Variants in PCDHA8 observed in about 807,000 individuals in gnomAD.
The protein encoded by PCDHA8 is protocadherin alpha-8.
Under a neutral mutation model 61.8 loss-of-function variants are expected in PCDHA8, and 53 were observed. The ratio of observed to expected loss-of-function variants is 0.86; its 90% CI spans 0.69 to 1.08. The LOEUF is 1.08. Ranked by LOEUF, PCDHA8 falls within the 50% of genes least tolerant of loss-of-function variation. PCDHA8 has a pLI of 0.00. For synonymous variants in PCDHA8, 618 were observed against 556.6 expected (o/e 1.11, Z -1.55); for missense variants, 1,293 against 1,245.0 (o/e 1.04, Z -0.58).
At chr5:140,905,620 T>G (rs1417322136) in intron 1 of PCDHA8, among the ~76,000 whole-genome samples, 2 of 152,210 alleles carry the variant, frequency 1.3e-5, no homozygotes, top group African/African-American at 4.8e-5. Context: ...ATAGATTGCT[T>G]TTGACAGTAT....
intron 1 of PCDHA8, chr5:140,853,468 T>A: frequency 1.0e-6 from 1 of 970,862 alleles, no homozygotes. Flanking sequence ...TATGCATCTG[T>A]AGTTAACATT....
rs1554144490 is a variant in PCDHA8, at chr5:140,850,541, G to C, written c.2394+6826G>C. ...AGGCGCCAAAGTCATCGTCGCGGGC[G>C]TCAGTGGGTGCCACGGGCCCCGAGG... is the stretch of plus-strand genomic sequence containing the variant. On this transcript the variant is annotated intron_variant, in intron 1 of 3. Transcript: ENST00000531613. The C allele has an allele frequency of 2.5e-6, 4 of 1,598,386 alleles. 1 individual carries two copies. In the South Asian group the frequency reaches 4.4e-5, roughly 18 times the overall value.
At chr5:140,905,594 G>A (rs62384488) in intron 1 of PCDHA8, among the ~76,000 whole-genome samples, 48,024 of 151,986 alleles carry the variant, frequency 0.32, 7,949 homozygotes, top group East Asian at 0.53. Flanking sequence ...ATTTTGCTGG[G>A]AATTGCATTG....
At chr5:140,875,758 T>C (rs1562702075) in intron 1 of PCDHA8, 1 of 1,614,186 alleles carries the variant, frequency 6.2e-7, no homozygotes. Context: ...CGAGAAGCTG[T>C]GCGGGCGGAG....
chr5:140,883,997 G>A, intron 1 of PCDHA8: 1 of 1,613,014 alleles, frequency 6.2e-7, no homozygotes, highest in Non-Finnish European at 8.5e-7. Context: ...GGGAGGCACA[G>A]TGAGCGAGCT....
intron 1 of PCDHA8, among the ~76,000 whole-genome samples, chr5:140,944,623 T>G (rs535315515): frequency 2.0e-5 from 3 of 152,202 alleles, no homozygotes; most frequent in Non-Finnish European, 4.4e-5. Flanking sequence ...AGAAGTATAG[T>G]GTTGTAAGCC....
chr5:140,870,880 G>A (rs782304708), intron 1 of PCDHA8: 1 of 1,613,948 alleles, frequency 6.2e-7, no homozygotes, highest in African/African-American at 1.3e-5. Flanking sequence ...GGTGGCGAAG[G>A]TGCGCGCAGT....
At chr5:140,955,771 A>G (rs527455823) in intron 1 of PCDHA8, among the ~76,000 whole-genome samples, 1 of 152,168 alleles carries the variant, frequency 6.6e-6, no homozygotes, top group Admixed American at 6.5e-5. Context: ...GATTCTGTCT[A>G]TCCATGAGCA....
At chr5:140,845,758 T>A (rs1780017819) in intron 1 of PCDHA8, among the ~76,000 whole-genome samples, 1 of 149,708 alleles carries the variant, frequency 6.7e-6, no homozygotes, top group African/African-American at 2.4e-5. Flanking sequence ...TTGTATCAAG[T>A]AAGTTAATAG....
In PCDHA8 at chr5:140,842,069, A is replaced by C. The variant is rs2150328859; in HGVS notation, c.748A>C (p.Arg250=). ...PTFEQSEYEV[R]IFENADNGTT... is the part of the protein sequence containing the mutation. ...TTTCGAACAGTCTGAATACGAAGTA[A>C]GAATATTCGAAAACGCAGACAACGG... Residue 250 remains arginine (R), a synonymous_variant, in exon 1 of 4, where the codon AGA becomes CGA. Transcript: ENST00000531613. The C allele has an allele frequency of 3.1e-6, 5 of 1,613,784 alleles. No individual in the cohort carries two copies. Among genetic ancestry groups the C allele is most frequent in the Non-Finnish European group, 4.2e-6 (5 of 1,179,890 alleles).
chr5:140,969,047 A>C, intron 1 of PCDHA8: 1 of 1,614,152 alleles, frequency 6.2e-7, no homozygotes, highest in Non-Finnish European at 8.5e-7. Flanking sequence ...CAAACAAGCC[A>C]ACAACAATAT....
Position 140,856,120 on chromosome 5 carries a change from G to C in PCDHA8, c.2394+12405G>C, listed in dbSNP as rs782167466. 6 of 1,598,210 alleles carry C rather than the reference G, an allele frequency of 3.8e-6. 1 individual carries two copies. The highest frequency in any genetic ancestry group is 5.1e-6 in the Non-Finnish European group (6 of 1,167,784). On this transcript the variant is annotated intron_variant, in intron 1 of 3. Transcript: ENST00000531613. ...CGCTTCTTCTCCTCGCAGCCTGGGA[G>C]GTGGGGAGCGGCCAGCTCCACTACT...
chr5:140,852,196 G>A lies in PCDHA8; in HGVS notation c.2394+8481G>A, dbSNP rs2150513230. The A allele has an allele frequency of 3.1e-5, 22 of 707,012 alleles. 1 individual carries two copies. The highest frequency in any genetic ancestry group is 1.9e-4 in the African/African-American group (10 of 51,666). The allele number at this position is 707,012 out of a possible 1,614,324, so 43.8% of individuals were successfully genotyped here. On this transcript the variant is annotated intron_variant, in intron 1 of 3. Transcript: ENST00000531613. ...AAATAACTATGAAAATGCCAGTAAC[G>A]TTTATTTAAAACAAAATATTTTAAT... is the stretch of plus-strand genomic sequence containing the variant.
chr5:140,891,230 T>G (rs1192105465), intron 1 of PCDHA8, among the ~76,000 whole-genome samples: 1 of 152,232 alleles, frequency 6.6e-6, no homozygotes, highest in Non-Finnish European at 1.5e-5. Flanking sequence ...AATCATCCTG[T>G]TCTGGATTCA....
intron 1 of PCDHA8, chr5:140,928,022 G>A: frequency 6.2e-7 from 1 of 1,614,200 alleles, no homozygotes; most frequent in Non-Finnish European, 8.5e-7. Flanking sequence ...AGGGTCATTT[G>A]TGGCATGTCT....
At chr5:140,975,017 G>A (rs1474947976) in intron 1 of PCDHA8, among the ~76,000 whole-genome samples, 1 of 152,154 alleles carries the variant, frequency 6.6e-6, no homozygotes, top group Non-Finnish European at 1.5e-5. Flanking sequence ...ACACAGCTGG[G>A]CTGTGTTGTC....
intron 1 of PCDHA8, among the ~76,000 whole-genome samples, chr5:140,925,025 C>T (rs1180931899): frequency 6.6e-6 from 1 of 151,492 alleles, no homozygotes; most frequent in Non-Finnish European, 1.5e-5. Context: ...ATGGGAGGAT[C>T]GCTTGAGCCC....
chr5:140,945,635 T>C (rs1200996842), intron 1 of PCDHA8, among the ~76,000 whole-genome samples: 1 of 152,024 alleles, frequency 6.6e-6, no homozygotes, highest in Admixed American at 6.5e-5. Context: ...ATAAAAGACA[T>C]GTAGACCAAT....
At chr5:140,866,196 T>C (rs1176237600) in intron 1 of PCDHA8, 3 of 152,160 alleles carry the variant, frequency 2.0e-5, no homozygotes, top group African/African-American at 7.2e-5. Context: ...AACTGTGGTT[T>C]CCAATATCCT....
Sources: allele counts gnomAD v4.1 joint callset (sites outside exome capture counted in the v4.1 genomes callset), GRCh38; gene constraint gnomAD v4.1.1; transcripts MANE v1.5; gene names NCBI Gene and HGNC (gene_info 2026-07-23, HGNC 2026-07-21).